OR1J2: variants seen among roughly 807,000 people sequenced by gnomAD.
OR1J2 encodes olfactory receptor family 1 subfamily J member 2, also known as olfactory receptor 1J2.
For missense variants in OR1J2, 304 were observed against 246.1 expected (o/e 1.24, Z -1.57); for synonymous variants, 142 against 99.7 (o/e 1.42, Z -2.52).
the OR1J2 span, among the ~76,000 whole-genome samples, chr9:122,454,847 GTTTATC>G: frequency 1.3e-5 from 2 of 152,238 alleles, no homozygotes; most frequent in East Asian, 1.9e-4. Context: ...TTATTTATTT[GTTTATC>G]TTTAACTTTA....
the OR1J2 span, among the ~76,000 whole-genome samples, chr9:122,461,765 C>G: frequency 2.0e-5 from 3 of 152,062 alleles, no homozygotes; most frequent in African/African-American, 4.8e-5. Flanking sequence ...TTTTATTCCA[C>G]TGTGGTTTGA....
At chr9:122,474,627 T>C in the OR1J2 span, among the ~76,000 whole-genome samples, 2 of 152,194 alleles carry the variant, frequency 1.3e-5, no homozygotes, top group Non-Finnish European at 2.9e-5. Flanking sequence ...GAGAGGGGGC[T>C]CATGCTTACG....
At chr9:122,540,198 T>G in the OR1J2 span, among the ~76,000 whole-genome samples, 2 of 151,656 alleles carry the variant, frequency 1.3e-5, no homozygotes, top group African/African-American at 2.4e-5. Flanking sequence ...CCCATGCCTG[T>G]GTCCTGAATG....
the OR1J2 span, chr9:122,554,137 T>C: frequency 6.2e-7 from 1 of 1,612,422 alleles, no homozygotes; most frequent in Admixed American, 1.7e-5. Flanking sequence ...AAACTTTTTG[T>C]CAGTGGAAAA....
the OR1J2 span, chr9:122,526,291 C>A: frequency 2.0e-6 from 2 of 991,942 alleles, no homozygotes; most frequent in East Asian, 2.5e-5. Flanking sequence ...GTGGTAGACC[C>A]CAAAATGAAG....
chr9:122,539,291 T>G, the OR1J2 span, among the ~76,000 whole-genome samples: 1 of 151,402 alleles, frequency 6.6e-6, no homozygotes, highest in Non-Finnish European at 1.5e-5. Context: ...CATGCCCTGG[T>G]GTGTGATGTT....
At chr9:122,526,819 A>C in the OR1J2 span, 1 of 1,614,132 alleles carries the variant, frequency 6.2e-7, no homozygotes, top group Non-Finnish European at 8.5e-7. Flanking sequence ...GCCATGAGGA[A>C]CGTGTGAGTC....
the OR1J2 span, among the ~76,000 whole-genome samples, chr9:122,549,656 A>G: frequency 6.6e-6 from 1 of 152,136 alleles, no homozygotes. Flanking sequence ...AACTTTGTCA[A>G]ATATCAGTTG....
the OR1J2 span, chr9:122,553,126 C>T: frequency 3.5e-5 from 50 of 1,415,330 alleles, 2 homozygotes; most frequent in South Asian, 6.2e-4. Flanking sequence ...TCTGGCCACA[C>T]AGATGCATAT....
the OR1J2 span, chr9:122,568,305 G>A: frequency 6.2e-7 from 1 of 1,614,110 alleles, no homozygotes; most frequent in African/African-American, 1.3e-5. Context: ...ATACATAGGG[G>A]TCTGAAGATG....
the OR1J2 span, among the ~76,000 whole-genome samples, chr9:122,530,944 C>T: frequency 5.9e-5 from 9 of 152,078 alleles, no homozygotes; most frequent in East Asian, 1.9e-4. Context: ...ACTGGCCATC[C>T]GGATGTGTAC....
At chr9:122,541,240 G>A in the OR1J2 span, among the ~76,000 whole-genome samples, 1 of 152,144 alleles carries the variant, frequency 6.6e-6, no homozygotes, top group East Asian at 1.9e-4. Context: ...CACTGAGTTA[G>A]CAGATGCATG....
chr9:122,505,077 CAAGTTATAT>C, the OR1J2 span, among the ~76,000 whole-genome samples: 1 of 152,098 alleles, frequency 6.6e-6, no homozygotes, highest in African/African-American at 2.4e-5. Context: ...CCTTCTGCTC[CAAGTTATAT>C]AAAGTTGTGG....
chr9:122,560,775 C>T, the OR1J2 span, among the ~76,000 whole-genome samples: 8 of 152,212 alleles, frequency 5.3e-5, no homozygotes, highest in East Asian at 3.9e-4. Flanking sequence ...TCCTTCATTT[C>T]GACCTTGGAG....
At chr9:122,501,656 G>C in the OR1J2 span, among the ~76,000 whole-genome samples, 2 of 152,044 alleles carry the variant, frequency 1.3e-5, no homozygotes, top group African/African-American at 4.8e-5. Flanking sequence ...TGGGCACATA[G>C]AGATCCACTT....
the OR1J2 span, among the ~76,000 whole-genome samples, chr9:122,528,547 G>C: frequency 6.6e-6 from 1 of 152,156 alleles, no homozygotes. Flanking sequence ...GCAGTGAGCC[G>C]AGATCATGCC....
upstream of OR1J2, among the ~76,000 whole-genome samples, chr9:122,506,600 AG>A (rs1201737463): frequency 3.3e-5 from 5 of 152,188 alleles, no homozygotes; most frequent in Non-Finnish European, 7.3e-5. Context: ...AATGCAGGGA[AG>A]GTAAGCACTG....
At chr9:122,579,706 A>AC in the OR1J2 span, among the ~76,000 whole-genome samples, 1 of 152,194 alleles carries the variant, frequency 6.6e-6, no homozygotes, top group African/African-American at 2.4e-5. Context: ...TTATTTCAGG[A>AC]TTAAGTCTAC....
the OR1J2 span, among the ~76,000 whole-genome samples, chr9:122,472,246 TA>T: frequency 6.6e-6 from 1 of 152,224 alleles, no homozygotes; most frequent in Admixed American, 6.5e-5. Flanking sequence ...TAACAGTAGT[TA>T]AAGTCCTTTT....
Sources: gnomAD v4.1 joint callset for allele counts (sites outside exome capture counted in the v4.1 genomes callset) on GRCh38, gnomAD v4.1.1 for gene constraint, MANE v1.5 for transcripts, NCBI Gene and HGNC (gene_info 2026-07-23, HGNC 2026-07-21) for gene names.